ADD2: variants seen among roughly 807,000 people sequenced by gnomAD.
ADD2 encodes the protein adducin 2, also known as beta-adducin.
ADD2 carries 23 observed loss-of-function variants against 83.0 expected under a neutral mutation model. That is an observed-to-expected ratio of 0.28 (90% CI 0.20 to 0.39). The LOEUF is 0.39. Among genes scored for constraint, ADD2 ranks in the 10% least tolerant of loss-of-function variants. ADD2 has a pLI of 1.00. For missense variants in ADD2, 758 were observed against 944.9 expected, an observed-to-expected ratio of 0.80 and a Z score of 2.59; for synonymous variants, 375 against 375.4, an observed-to-expected ratio of 1.00 and a Z score of 0.01.
chr2:70,690,188 C>G (rs1036687450), intron 8 of ADD2, among the ~76,000 whole-genome samples: 2 of 151,998 alleles, frequency 1.3e-5, no homozygotes, highest in African/African-American at 4.8e-5. Flanking sequence ...CCTTCACCTT[C>G]TGGAGTCAAT....
intron 1 of ADD2, among the ~76,000 whole-genome samples, chr2:70,753,920 C>T (rs1181499120): frequency 6.6e-6 from 1 of 152,138 alleles, no homozygotes; most frequent in Non-Finnish European, 1.5e-5. Context: ...CTCATTATTC[C>T]TGTAAGCATT....
At chr2:70,679,057 G>A in intron 10 of ADD2, 96 bp from the exon 11 acceptor site, 1 of 1,420,024 alleles carries the variant, frequency 7.0e-7, no homozygotes, top group Non-Finnish European at 9.5e-7. Flanking sequence ...TCTGCTTAAA[G>A]GACTCTTCAT....
At position 70,739,086 on chromosome 2, in the gene ADD2, T is replaced by C. The variant is rs551539017; in HGVS notation, c.-153-25902A>G. 7.2e-5 allele frequency among the ~76,000 whole-genome samples: 11 copies of C among 152,146 alleles called. No homozygotes were observed. In the South Asian group the frequency reaches 8.3e-4, roughly 11 times the overall value. ...GCTTCTGCACAGCCAAAGAAACTAT[T>C]AGGAGAGTAAACAGACAACCTACAG... On this transcript the variant is annotated intron_variant, in intron 1 of 15. Coordinates refer to ENST00000264436, the MANE Select transcript of ADD2 (RefSeq NM_001617.4).
At chr2:70,707,897 G>C (rs1671986245) in intron 2 of ADD2, among the ~76,000 whole-genome samples, 1 of 152,214 alleles carries the variant, frequency 6.6e-6, no homozygotes. Flanking sequence ...CCCAGGTCCT[G>C]ATCTGCCCTT....
chr2:70,664,757 G>A (rs1457130723), intron 15 of ADD2, among the ~76,000 whole-genome samples: 5 of 137,490 alleles, frequency 3.6e-5, no homozygotes, highest in Admixed American at 2.9e-4. Context: ...GTGGGTGTGT[G>A]AGGGTGTGCA....
At chr2:70,722,754 T>C (rs1473576961) in intron 1 of ADD2, among the ~76,000 whole-genome samples, 2 of 152,202 alleles carry the variant, frequency 1.3e-5, no homozygotes, top group African/African-American at 2.4e-5. Context: ...AAGAGCTTAA[T>C]GTCATAAGGC....
chr2:70,695,049 A>G (rs1553372359), intron 6 of ADD2, among the ~76,000 whole-genome samples: 1 of 151,894 alleles, frequency 6.6e-6, no homozygotes, highest in Non-Finnish European at 1.5e-5. Flanking sequence ...CCCTGCCTAG[A>G]TATTCTATGA....
At chr2:70,726,188 A>G (rs1488434277) in intron 1 of ADD2, among the ~76,000 whole-genome samples, 1 of 124,472 alleles carries the variant, frequency 8.0e-6, no homozygotes, top group Non-Finnish European at 1.7e-5. Context: ...CTCCATCTCA[A>G]AAAAAAAAAA....
chr2:70,711,896 G>A (rs1157388937), intron 2 of ADD2, among the ~76,000 whole-genome samples: 1 of 152,328 alleles, frequency 6.6e-6, no homozygotes, highest in East Asian at 1.9e-4. Flanking sequence ...GGGTGACCTG[G>A]GGACCCCAGT....
At chr2:70,757,079 C>T (rs999057963) in intron 1 of ADD2, among the ~76,000 whole-genome samples, 1 of 152,184 alleles carries the variant, frequency 6.6e-6, no homozygotes, top group South Asian at 2.1e-4. Context: ...CCATCTGCCT[C>T]GGCCTCCCAA....
chr2:70,753,515 A>G (rs1553383305), intron 1 of ADD2, among the ~76,000 whole-genome samples: 1 of 152,052 alleles, frequency 6.6e-6, no homozygotes, highest in Non-Finnish European at 1.5e-5. Context: ...AAGGTCCCAG[A>G]GCCCAGAAGA....
intron 1 of ADD2, among the ~76,000 whole-genome samples, chr2:70,752,608 A>AG (rs1674566401): frequency 6.6e-6 from 1 of 152,220 alleles, no homozygotes; most frequent in African/African-American, 2.4e-5. Flanking sequence ...AGAGAAACCA[A>AG]GGACAACTCC....
rs782319153 is a variant in ADD2 at position 70,657,604 on chromosome 2, G to A, written c.*5821C>T. On this transcript the variant is annotated 3_prime_UTR_variant, in exon 16 of 16. Transcript: ENST00000264436. ...TCCCATTTTATAATGTGTTTCAAGT[G>A]TGGCCACTCTGCCCTTGGTCCAATT... The A allele has an allele frequency of 1.3e-5, 2 of 152,206 alleles. No individual in the cohort carries two copies. Among genetic ancestry groups the A allele is most frequent in the African/African-American group, 4.8e-5 (2 of 41,428 alleles). The allele number at this position is 152,206 out of a possible 1,614,324, so 9.4% of individuals were successfully genotyped here.
At position 70,676,524 on chromosome 2, in the gene ADD2, G is replaced by A. The variant is rs1348300665; in HGVS notation, c.1593+272C>T. 2.9e-6 allele frequency: 4 copies of A among 1,384,224 alleles called. No homozygotes were observed. The Admixed American group carries it at 9.2e-5, about 32-fold the overall frequency. 85.7% of individuals were successfully genotyped at this position (1,384,224 alleles called of 1,614,324 possible). A position where few individuals can be genotyped will look rare whatever the true frequency, so the allele number is the denominator to read the frequency against. On this transcript the variant is annotated intron_variant, in intron 13 of 15. Transcript: ENST00000264436. This position sits in a 1 kb window ranked among gnomAD's most constrained non-coding sequence, Gnocchi z 4.8. ...GAGGACAGAGTGGAGTTCCATGGCA[G>A]GAGGTACGGAAGCCGGCCGCATCAC...
intron 14 of ADD2, among the ~76,000 whole-genome samples, chr2:70,674,093 G>T (rs1670021019): frequency 6.6e-6 from 1 of 152,184 alleles, no homozygotes; most frequent in Non-Finnish European, 1.5e-5. Flanking sequence ...AGTAGAGAGG[G>T]TGACAGGGAG....
intron 10 of ADD2, among the ~76,000 whole-genome samples, chr2:70,681,376 A>G (rs780289908): frequency 6.6e-6 from 1 of 152,160 alleles, no homozygotes; most frequent in Non-Finnish European, 1.5e-5. Context: ...TTCCTGGCAC[A>G]GTGGCTCACA....
At chr2:70,697,144 C>T (rs1336917575) in intron 4 of ADD2, among the ~76,000 whole-genome samples, 1 of 152,162 alleles carries the variant, frequency 6.6e-6, no homozygotes, top group Middle Eastern at 3.2e-3. Flanking sequence ...GAGACTCCGT[C>T]CCCCACACCC....
rs1314234326 is a variant in ADD2, at chr2:70,743,184, T to G, written c.-154+24702A>C. 2.0e-5 allele frequency among the ~76,000 whole-genome samples: 3 copies of G among 152,156 alleles called. No individual in the cohort carries two copies. The South Asian group carries it at 6.2e-4, about 32-fold the overall frequency. ...GGTCAATATTGGCTGGAGTCAAAAT[T>G]ATCATTGAACATCTCCTCAGTGGAC... On this transcript the variant is annotated intron_variant, in intron 1 of 15. Coordinates refer to ENST00000264436, the MANE Select transcript of ADD2 (RefSeq NM_001617.4).
intron 1 of ADD2, among the ~76,000 whole-genome samples, chr2:70,732,885 G>A (rs1294908274): frequency 2.6e-5 from 4 of 152,264 alleles, no homozygotes; most frequent in Admixed American, 1.3e-4. Context: ...CCAGTGTTGC[G>A]AACTTCACAA....
Sources: gnomAD v4.1 joint callset for allele counts (sites outside exome capture counted in the v4.1 genomes callset) on GRCh38, gnomAD v4.1.1 for gene constraint, Gnocchi (gnomAD v3.1) non-coding constraint, MANE v1.5 for transcripts, NCBI Gene and HGNC (gene_info 2026-07-23, HGNC 2026-07-21) for gene names.